MEIKIN: variants seen among roughly 807,000 people sequenced by gnomAD.
MEIKIN encodes meiosis-specific kinetochore protein.
Position 131,938,213 on chromosome 5 carries a change from C to G in MEIKIN, c.349+4422G>C, listed in dbSNP as rs527592959. On this transcript the variant is annotated intron_variant, in intron 4 of 12. Transcript: ENST00000442687. Reference sequence around the variant, plus strand: ...ATGGAGTCTCGCTCTCTCACCTAGGCTAGAGTGCTATGGTATGATCTCAGC... The same window carrying G: ...ATGGAGTCTCGCTCTCTCACCTAGGGTAGAGTGCTATGGTATGATCTCAGC... Among the ~76,000 whole-genome samples, 5 of 141,328 alleles carry G rather than the reference C, an allele frequency of 3.5e-5. No individual in the cohort carries two copies. The South Asian group carries it at 7.0e-4, about 20-fold the overall frequency. 92.7% of individuals were successfully genotyped at this position (141,328 alleles called of 152,430 possible). A position where few individuals can be genotyped will look rare whatever the true frequency, so the allele number is the denominator to read the frequency against.
At chr5:131,870,619 C>T (rs1413738348) in intron 9 of MEIKIN, among the ~76,000 whole-genome samples, 1 of 152,220 alleles carries the variant, frequency 6.6e-6, no homozygotes, top group Non-Finnish European at 1.5e-5. Context: ...TCTTTCCTAT[C>T]ACACTAAATA....
intron 9 of MEIKIN, among the ~76,000 whole-genome samples, chr5:131,873,352 G>A (rs1279698431): frequency 2.6e-5 from 4 of 152,170 alleles, no homozygotes; most frequent in Admixed American, 1.3e-4. Context: ...TGTAATCCTA[G>A]TCTCTGATAA....
intron 8 of MEIKIN, among the ~76,000 whole-genome samples, chr5:131,905,918 C>G (rs1346348877): frequency 6.6e-6 from 1 of 152,016 alleles, no homozygotes; most frequent in African/African-American, 2.4e-5. Flanking sequence ...TCAAAACTAT[C>G]AAAACCCTGG....
rs1179567442 is a variant in MEIKIN at position 131,857,718 on chromosome 5, C to T, written c.775-2884G>A. Among the ~76,000 whole-genome samples, 4 of 152,352 alleles carry T rather than the reference C, an allele frequency of 2.6e-5. No individual in the cohort carries two copies. The East Asian group carries it at 7.7e-4, about 29-fold the overall frequency. On this transcript the variant is annotated intron_variant, in intron 9 of 12. Transcript: ENST00000442687. ...TCCCTTACAGCCTTCCTCCACCTCA[C>T]TTTGCTGTCATGCACTCGCCCAAGG...
chr5:131,849,987 C>T (rs1750084308), intron 11 of MEIKIN, among the ~76,000 whole-genome samples: 1 of 149,474 alleles, frequency 6.7e-6, no homozygotes, highest in African/African-American at 2.5e-5. Flanking sequence ...GACACAAAGT[C>T]AATACACAAA....
At chr5:131,922,016 C>T (rs879148469) in intron 5 of MEIKIN, 75 bp from the exon 6 acceptor site, 1 of 396,992 alleles carries the variant, frequency 2.5e-6, no homozygotes, top group African/African-American at 2.1e-5. Flanking sequence ...CCTACCCCAC[C>T]TTAGGCCCCC....
chr5:131,922,012 C>A, intron 5 of MEIKIN, 71 bp from the exon 6 acceptor site: 1 of 397,198 alleles, frequency 2.5e-6, no homozygotes, highest in South Asian at 1.3e-4. Context: ...ACTCCCTACC[C>A]CACCTTAGGC....
chr5:131,812,437 G>T (rs1476465640), intron 12 of MEIKIN, among the ~76,000 whole-genome samples: 1 of 152,120 alleles, frequency 6.6e-6, no homozygotes, highest in East Asian at 1.9e-4. Flanking sequence ...AATGAAATTG[G>T]TAGGTCTCCA....
At chr5:131,900,261 G>A (rs1011883086) in intron 8 of MEIKIN, among the ~76,000 whole-genome samples, 3 of 152,338 alleles carry the variant, frequency 2.0e-5, no homozygotes, top group African/African-American at 7.2e-5. Flanking sequence ...GGGAAGACTG[G>A]TGAATTCCTA....
intron 11 of MEIKIN, among the ~76,000 whole-genome samples, chr5:131,828,500 TC>T (rs1749654079): frequency 6.6e-6 from 1 of 151,910 alleles, no homozygotes; most frequent in African/African-American, 2.4e-5. Flanking sequence ...GAGGAAATCT[TC>T]CAGAGAATAG....
intron 8 of MEIKIN, among the ~76,000 whole-genome samples, chr5:131,892,335 C>A (rs1198068559): frequency 1.3e-5 from 2 of 152,166 alleles, no homozygotes; most frequent in South Asian, 4.1e-4. Context: ...CCATTCTCCC[C>A]GTCACTTTCA....
chr5:131,847,233 T>G (rs1478010333), intron 11 of MEIKIN, among the ~76,000 whole-genome samples: 1 of 151,966 alleles, frequency 6.6e-6, no homozygotes, highest in Non-Finnish European at 1.5e-5. Context: ...ATAAACAAAT[T>G]AAATTCTCCC....
chr5:131,863,769 T>A (rs768575896), intron 9 of MEIKIN, among the ~76,000 whole-genome samples: 6 of 152,080 alleles, frequency 3.9e-5, no homozygotes, highest in Non-Finnish European at 7.4e-5. Context: ...GATAACTGAA[T>A]CATGGGGGCA....
At chr5:131,902,192 G>A (rs1409286302) in intron 8 of MEIKIN, among the ~76,000 whole-genome samples, 2 of 152,146 alleles carry the variant, frequency 1.3e-5, no homozygotes, top group Non-Finnish European at 2.9e-5. Flanking sequence ...CAGAACTTTG[G>A]GAGGCCAAGG....
intron 4 of MEIKIN, among the ~76,000 whole-genome samples, chr5:131,938,613 T>C (rs867241484): frequency 6.6e-6 from 1 of 152,340 alleles, no homozygotes; most frequent in African/African-American, 2.4e-5. Context: ...ATCATCCAAT[T>C]CTACAGAATG....
At chr5:131,872,247 C>CG (rs1307040715) in intron 9 of MEIKIN, among the ~76,000 whole-genome samples, 1 of 58,582 alleles carries the variant, frequency 1.7e-5, no homozygotes, top group Non-Finnish European at 4.1e-5. Context: ...TTAAAAACTT[C>CG]GAAAAAAAAT....
chr5:131,817,678 C>G (rs1043791600), intron 12 of MEIKIN, among the ~76,000 whole-genome samples: 1 of 151,724 alleles, frequency 6.6e-6, no homozygotes, highest in Non-Finnish European at 1.5e-5. Context: ...TCTGGAGAAC[C>G]CTGACAAATA....
chr5:131,828,223 A>G (rs1580861806), intron 11 of MEIKIN, among the ~76,000 whole-genome samples: 1 of 152,118 alleles, frequency 6.6e-6, no homozygotes, highest in African/African-American at 2.4e-5. Flanking sequence ...ACGATCTCAC[A>G]ATCTTGGCTC....
At chr5:131,827,677 T>C (rs1413602084) in intron 11 of MEIKIN, among the ~76,000 whole-genome samples, 1 of 151,798 alleles carries the variant, frequency 6.6e-6, no homozygotes, top group Admixed American at 6.6e-5. Context: ...AGCATAACAA[T>C]CATAAACATG....
Sources: gnomAD v4.1 joint callset for allele counts (sites outside exome capture counted in the v4.1 genomes callset) on GRCh38, gnomAD v4.1.1 for gene constraint, MANE v1.5 for transcripts, NCBI Gene and HGNC (gene_info 2026-07-23, HGNC 2026-07-21) for gene names.